NONO: variants seen among roughly 807,000 people sequenced by gnomAD.
The protein encoded by NONO is non-POU domain-containing octamer-binding protein.
In NONO, 6 loss-of-function variants were observed where a neutral mutation model predicts 40.2. The ratio of observed to expected loss-of-function variants is 0.15; its 90% CI spans 0.08 to 0.29. The LOEUF is 0.29. Ranked by LOEUF, NONO falls within the 10% of genes least tolerant of loss-of-function variation. The probability of loss-of-function intolerance (pLI) is 1.00; values close to 1 mark genes in which losing one functional copy is unlikely to be tolerated. For missense variants in NONO, 133 were observed against 397.8 expected (o/e 0.33, Z 5.66); for synonymous variants, 89 against 123.3 (o/e 0.72, Z 1.85).
chrX:71,293,705 C>T (rs2031374952), intron 4 of NONO, among the ~76,000 whole-genome samples: 1 of 110,077 alleles, frequency 9.1e-6, no homozygotes, highest in Admixed American at 9.6e-5. Flanking sequence ...GATCTTGGCT[C>T]ACTGCAACCT....
chrX:71,289,804 ACT>A (rs2031283850), intron 2 of NONO, among the ~76,000 whole-genome samples: 1 of 108,562 alleles, frequency 9.2e-6, no homozygotes, highest in African/African-American at 3.4e-5. Context: ...ACGGAGTCTC[ACT>A]CTGTCACCAG....
chrX:71,298,609 T>A, intron 10 of NONO, 98 bp from the exon 11 acceptor site: 1 of 1,052,228 alleles, frequency 9.5e-7, no homozygotes. Context: ...GACATATATG[T>A]CTTACTTAGC....
intron 2 of NONO, among the ~76,000 whole-genome samples, chrX:71,285,718 G>C (rs779446712): frequency 8.9e-6 from 1 of 112,024 alleles, no homozygotes; most frequent in African/African-American, 3.2e-5. Flanking sequence ...ATCAGTTACT[G>C]AAATGATAAT....
chrX:71,296,013 T>C (rs2031440548), intron 5 of NONO, among the ~76,000 whole-genome samples: 1 of 111,386 alleles, frequency 9.0e-6, no homozygotes, highest in East Asian at 2.8e-4. Flanking sequence ...TTTCTCAGAG[T>C]GTCTGTAGAT....
intron 2 of NONO, among the ~76,000 whole-genome samples, chrX:71,289,988 C>T (rs2031287948): frequency 9.0e-6 from 1 of 111,053 alleles, no homozygotes; most frequent in South Asian, 3.8e-4. Context: ...AGGCTTGTCT[C>T]GAACCCCTGA....
chrX:71,298,917 G>T, intron 11 of NONO, 101 bp downstream of exon 11: 1 of 574,204 alleles, frequency 1.7e-6, no homozygotes, highest in Non-Finnish European at 2.8e-6. Flanking sequence ...GTTTGCTATA[G>T]ATAGCAGTCT....
At chrX:71,298,021 C>A (rs763624411) in intron 9 of NONO, 83 bp downstream of exon 9, 26 of 612,192 alleles carry the variant, frequency 4.2e-5, no homozygotes, top group Non-Finnish European at 6.5e-5. Flanking sequence ...CCGGTTATGA[C>A]CAATTTTCCC....
rs978172439 is a variant in NONO at position 71,300,871 on chromosome X, T to C, written c.*795T>C. ...AGTGTATCTTTAAAAAAAAATCTTGTGTTAACTTGCCTCCATCTTTTTCTT... is the reference window on the plus strand; with the variant it reads ...AGTGTATCTTTAAAAAAAAATCTTGCGTTAACTTGCCTCCATCTTTTTCTT... On this transcript the variant is annotated 3_prime_UTR_variant, in exon 12 of 12. Transcript: ENST00000276079. 2 of 161,207 alleles carry C rather than the reference T, an allele frequency of 1.2e-5. No homozygotes were observed. Among genetic ancestry groups the C allele is most frequent in the African/African-American group, 6.1e-5 (2 of 33,021 alleles). 13.3% of individuals were successfully genotyped at this position (161,207 alleles called of 1,213,427 possible). A position where few individuals can be genotyped will look rare whatever the true frequency, so the allele number is the denominator to read the frequency against.
chrX:71,300,576 A>G lies in NONO; in HGVS notation c.*500A>G, dbSNP rs2031562193. The G allele has an allele frequency of 5.3e-6, 1 of 190,088 alleles. No individual in the cohort carries two copies. Among genetic ancestry groups the G allele is most frequent in the Non-Finnish European group, 9.7e-6 (1 of 102,819 alleles). The allele number at this position is 190,088 out of a possible 1,213,427, so 15.7% of individuals were successfully genotyped here. On this transcript the variant is annotated 3_prime_UTR_variant, in exon 12 of 12. Transcript: ENST00000276079. ...GTGATCTACCCACCTCGGCCTCCCAAAATGCTGGGATTACAGGGGTGAGCC... is the reference window on the plus strand; with the variant it reads ...GTGATCTACCCACCTCGGCCTCCCAGAATGCTGGGATTACAGGGGTGAGCC...
intron 2 of NONO, among the ~76,000 whole-genome samples, chrX:71,284,709 G>C (rs1226292754): frequency 4.5e-5 from 5 of 112,011 alleles, no homozygotes; most frequent in African/African-American, 1.6e-4. Context: ...TCTTAGAGAA[G>C]GACCTTAGTT....
intron 2 of NONO, among the ~76,000 whole-genome samples, chrX:71,287,732 T>A (rs2031222585): frequency 9.2e-6 from 1 of 108,849 alleles, no homozygotes; most frequent in Non-Finnish European, 1.9e-5. Flanking sequence ...TTGCCTAGGC[T>A]GGAGTGCAGT....
At position 71,298,550 on chromosome X, in the gene NONO, T is replaced by A. The variant is rs781255198; in HGVS notation, c.1171+42T>A. On this transcript the variant is annotated intron_variant, in intron 10 of 11. Coordinates refer to ENST00000276079, the MANE Select transcript of NONO (RefSeq NM_007363.5). ...TTAATGGCTCTGATTTCCTTTTTTGTTTGGTCTTGGGTGAACTATGTAGCT... is the reference window on the plus strand; with the variant it reads ...TTAATGGCTCTGATTTCCTTTTTTGATTGGTCTTGGGTGAACTATGTAGCT... The A allele has an allele frequency of 2.0e-5, 23 of 1,160,494 alleles. No individual in the cohort carries two copies. In the South Asian group the frequency reaches 3.1e-4, roughly 15 times the overall value.
chrX:71,296,461 T>C, intron 5 of NONO, 104 bp from the exon 6 acceptor site: 1 of 587,279 alleles, frequency 1.7e-6, no homozygotes, highest in Non-Finnish European at 2.6e-6. Flanking sequence ...TTCAGAAGCC[T>C]CCAATCCTGA....
At chrX:71,298,926 C>CTTT in intron 11 of NONO, 110 bp downstream of exon 11, 2 of 426,775 alleles carry the variant, frequency 4.7e-6, no homozygotes, top group Non-Finnish European at 7.7e-6. Flanking sequence ...AGATAGCAGT[C>CTTT]TTTTTTTTTT....
rs1050301820 is a variant in NONO, at chrX:71,301,104, GT to G, written c.*1033del. Reference sequence around the variant, plus strand: ...GTTTGATTTGTCTCATATATTTGGAGTTTTTCTGAAAAATGGAGCAGTAATG... The same window carrying G: ...GTTTGATTTGTCTCATATATTTGGAGTTTTCTGAAAAATGGAGCAGTAATG... On this transcript the variant is annotated 3_prime_UTR_variant, in exon 12 of 12. Coordinates refer to ENST00000276079, the MANE Select transcript of NONO (RefSeq NM_007363.5). 9.2e-5 allele frequency: 13 copies of G among 141,435 alleles called. No homozygotes were observed. The highest frequency in any genetic ancestry group is 4.1e-4 in the African/African-American group (13 of 31,705). The allele number at this position is 141,435 out of a possible 1,213,427, so 11.7% of individuals were successfully genotyped here.
intron 2 of NONO, among the ~76,000 whole-genome samples, chrX:71,288,119 C>CTTTTTTTTT (rs41517053): frequency 1.0e-3 from 56 of 53,843 alleles, no homozygotes; most frequent in Non-Finnish European, 1.2e-3. Context: ...TTATTTTTAT[C>CTTTTTTTTT]TTTTTTTTTT....
chrX:71,293,332 G>A (rs184422143), intron 4 of NONO, among the ~76,000 whole-genome samples: 119 of 111,647 alleles, frequency 1.1e-3, no homozygotes, highest in South Asian at 2.6e-3. Flanking sequence ...TGTAATCCCA[G>A]CACTTTTTGG....
chrX:71,287,014 CAT>C (rs1296938328), intron 2 of NONO, among the ~76,000 whole-genome samples: 6 of 112,221 alleles, frequency 5.3e-5, no homozygotes, highest in Non-Finnish European at 1.1e-4. Context: ...CCCGTATACT[CAT>C]CATCAAAATC....
rs199640347 is a variant in NONO, at chrX:71,297,946, T to C, written c.1131+8T>C. The C allele has an allele frequency of 7.6e-5, 85 of 1,117,443 alleles. No individual in the cohort carries two copies. The highest frequency in any genetic ancestry group is 6.2e-6 in the Non-Finnish European group (5 of 812,327). 92.1% of individuals were successfully genotyped at this position (1,117,443 alleles called of 1,213,427 possible). On this transcript the variant is annotated splice_region_variant and intron_variant, in intron 9 of 11. Transcript: ENST00000276079. ...GGAACCTTCCCTGATGCGGTATATC[T>C]CCCATGTGCCCGTGATGTACCAGAC...
Sources: allele counts gnomAD v4.1 joint callset (sites outside exome capture counted in the v4.1 genomes callset), GRCh38; gene constraint gnomAD v4.1.1; transcripts MANE v1.5; gene names NCBI Gene and HGNC (gene_info 2026-07-23, HGNC 2026-07-21).